The following BCAR3 variants were observed in gnomAD, a reference collection of about 807,000 sequenced individuals.
The protein encoded by BCAR3 is BCAR3 adaptor protein, NSP family member, also known as breast cancer anti-estrogen resistance protein 3.
In BCAR3, 37 loss-of-function variants were observed where a neutral mutation model predicts 80.1. The observed-to-expected ratio is 0.46, with a 90% CI of 0.36 to 0.61. The LOEUF (loss-of-function observed/expected upper bound fraction) is 0.61, where lower values mean the gene tolerates loss of function less well. BCAR3 is among the 20% of genes least tolerant of loss of function. BCAR3 has a pLI of 0.00. For synonymous variants in BCAR3, 389 were observed against 418.9 expected, an observed-to-expected ratio of 0.93 and a Z score of 0.87; for missense variants, 978 against 1,068.2, an observed-to-expected ratio of 0.92 and a Z score of 1.18.
chr1:93,782,196 C>G (rs17110458), intron 2 of BCAR3, among the ~76,000 whole-genome samples: 13,157 of 152,188 alleles, frequency 0.086, 779 homozygotes, highest in East Asian at 0.19. Context: ...ATGGTCGGTT[C>G]TGAGGGGCCC....
intron 7 of BCAR3, among the ~76,000 whole-genome samples, chr1:93,578,531 C>T (rs1425515487): frequency 1.3e-5 from 2 of 152,202 alleles, no homozygotes; most frequent in African/African-American, 2.4e-5. Context: ...CGTTGCCTGC[C>T]GTCTGCAAGA....
chr1:93,567,276 T>C lies in BCAR3; in HGVS notation c.2299+3A>G, dbSNP rs1274812860. On this transcript the variant is annotated splice_donor_region_variant and intron_variant, in intron 11 of 11. Coordinates refer to ENST00000260502, the MANE Select transcript of BCAR3 (RefSeq NM_003567.4). Reference sequence around the variant, plus strand: ...AGAACAGCTTACAAAACCCATCTCTTACCTGCCAGGATCCTCTCAGCATTC... The same window carrying C: ...AGAACAGCTTACAAAACCCATCTCTCACCTGCCAGGATCCTCTCAGCATTC... The C allele has an allele frequency of 1.4e-5, 23 of 1,613,738 alleles. No individual in the cohort carries two copies. Among genetic ancestry groups the C allele is most frequent in the Non-Finnish European group, 1.9e-5 (23 of 1,179,968 alleles).
chr1:93,618,261 G>A (rs906509982), intron 3 of BCAR3, among the ~76,000 whole-genome samples: 3 of 152,234 alleles, frequency 2.0e-5, no homozygotes, highest in African/African-American at 4.8e-5. Flanking sequence ...TGGACAAGAC[G>A]TTCGCCTGCC....
intron 2 of BCAR3, among the ~76,000 whole-genome samples, chr1:93,643,342 T>C (rs1471049349): frequency 6.6e-6 from 1 of 151,070 alleles, no homozygotes; most frequent in Non-Finnish European, 1.5e-5. Flanking sequence ...ATGACCAACA[T>C]GGTGAAACCC....
rs540444148 is a variant in BCAR3, at chr1:93,815,648, G to A, written c.-63+29919C>T. ...GAAGTCACTTTTCATCCATGTGTGA[G>A]ATACCATTGCCTGATTCATTCTGCT... On this transcript the variant is annotated intron_variant, in intron 2 of 13. Coordinates refer to the BCAR3 transcript ENST00000370244. Among the ~76,000 whole-genome samples the A allele has an allele frequency of 5.3e-5, 8 of 152,292 alleles. No homozygotes were observed. The South Asian group carries it at 1.7e-3, about 32-fold the overall frequency.
chr1:93,750,636 A>AC (rs1651526979), intron 2 of BCAR3, among the ~76,000 whole-genome samples: 1 of 152,204 alleles, frequency 6.6e-6, no homozygotes, highest in South Asian at 2.1e-4. Flanking sequence ...CTCTTGGGAC[A>AC]CTTGCTCTGG....
chr1:93,671,191 C>T (rs895958814), intron 2 of BCAR3, among the ~76,000 whole-genome samples: 10 of 152,068 alleles, frequency 6.6e-5, no homozygotes, highest in Non-Finnish European at 1.5e-4. Flanking sequence ...GATGGGGTTT[C>T]GTCATGTTGG....
chr1:93,818,675 A>G (rs769310446), intron 2 of BCAR3, among the ~76,000 whole-genome samples: 22 of 152,332 alleles, frequency 1.4e-4, no homozygotes, highest in Non-Finnish European at 2.5e-4. Flanking sequence ...GCATTATTCT[A>G]GGTGCTGGGT....
chr1:93,741,332 C>T (rs1241672978), intron 2 of BCAR3, among the ~76,000 whole-genome samples: 1 of 152,146 alleles, frequency 6.6e-6, no homozygotes, highest in East Asian at 1.9e-4. Flanking sequence ...AGTTCAATAT[C>T]AAGATCATGG....
chr1:93,832,146 A>G (rs2100835405), intron 2 of BCAR3, among the ~76,000 whole-genome samples: 1 of 152,336 alleles, frequency 6.6e-6, no homozygotes, highest in East Asian at 1.9e-4. Flanking sequence ...GGACTTGATT[A>G]ACTTCGCCTT....
At chr1:93,649,880 T>C (rs936490447) in intron 2 of BCAR3, among the ~76,000 whole-genome samples, 2 of 150,992 alleles carry the variant, frequency 1.3e-5, no homozygotes, top group Non-Finnish European at 2.9e-5. Context: ...GCCAGCACTC[T>C]ACCCACTCTA....
intron 3 of BCAR3, among the ~76,000 whole-genome samples, chr1:93,694,849 A>G (rs1268542335): frequency 6.6e-6 from 1 of 152,202 alleles, no homozygotes; most frequent in Admixed American, 6.5e-5. Context: ...GGGTCCTCAA[A>G]GCCACCCACT....
At position 93,575,338 on chromosome 1, in the gene BCAR3, G is replaced by T. The variant is rs1424054560; in HGVS notation, c.1802+676C>A. Among the ~76,000 whole-genome samples, 4 of 152,308 alleles carry T rather than the reference G, an allele frequency of 2.6e-5. No homozygotes were observed. The East Asian group carries it at 7.7e-4, about 29-fold the overall frequency. On this transcript the variant is annotated intron_variant, in intron 8 of 11. Transcript: ENST00000260502. ...AACTTTTAAAAAATGTGTCAAAAAGGCTGGCTTTGTGGTAATATGGATATC... is the reference window on the plus strand; with the variant it reads ...AACTTTTAAAAAATGTGTCAAAAAGTCTGGCTTTGTGGTAATATGGATATC...
Position 93,592,160 on chromosome 1 carries a change from A to C in BCAR3, c.486+105T>G. 6.7e-7 allele frequency: 1 copy of C among 1,502,292 alleles called. No individual in the cohort carries two copies. Among genetic ancestry groups the C allele is most frequent in the South Asian group, 1.2e-5 (1 of 82,062 alleles). The allele number at this position is 1,502,292 out of a possible 1,614,324, so 93.1% of individuals were successfully genotyped here. On this transcript the variant is annotated intron_variant, in intron 4 of 11. Coordinates refer to ENST00000260502, the MANE Select transcript of BCAR3 (RefSeq NM_003567.4). The surrounding 1 kb of genome is among the most constrained non-coding windows in gnomAD (Gnocchi z 4.8). ...TTAGAGTATTTGTTTTTGGTTACAC[A>C]GGTGCTTCCGCCCATGTGGCCTCGG... is the stretch of plus-strand genomic sequence containing the variant.
chr1:93,799,015 A>G lies in BCAR3; in HGVS notation c.-63+46552T>C, dbSNP rs1041585689. 2.6e-5 allele frequency among the ~76,000 whole-genome samples: 4 copies of G among 152,326 alleles called. No homozygotes were observed. The South Asian group carries it at 8.3e-4, about 32-fold the overall frequency. On this transcript the variant is annotated intron_variant, in intron 2 of 13. Coordinates refer to the BCAR3 transcript ENST00000370244. ...GTAATAAAGCCAATCAGTTGACAGAAAAATATTGTGTATGATGTGAATTCA... is the reference window on the plus strand; with the variant it reads ...GTAATAAAGCCAATCAGTTGACAGAGAAATATTGTGTATGATGTGAATTCA...
Position 93,592,516 on chromosome 1 carries a change from A to C in BCAR3, c.358-123T>G, listed in dbSNP as rs1674255944. 1 of 1,310,396 alleles carries C rather than the reference A, an allele frequency of 7.6e-7. No homozygotes were observed. The highest frequency in any genetic ancestry group is 1.5e-5 in the South Asian group (1 of 67,474). The allele number at this position is 1,310,396 out of a possible 1,614,324, so 81.2% of individuals were successfully genotyped here. A position where few individuals can be genotyped will look rare whatever the true frequency, so the allele number is the denominator to read the frequency against. On this transcript the variant is annotated intron_variant, in intron 3 of 11. Transcript: ENST00000260502. The surrounding 1 kb of genome is among the most constrained non-coding windows in gnomAD (Gnocchi z 4.8). ...GCTACAGCCTGCATTCAGGTAGGGG[A>C]GCCTGGATAATGATTACAAAGAGCT...
chr1:93,576,046 G>C lies in BCAR3; in HGVS notation c.1770C>G (p.His590Gln). 1.9e-6 allele frequency: 3 copies of C among 1,614,142 alleles called. No individual in the cohort carries two copies. Among genetic ancestry groups the C allele is most frequent in the Non-Finnish European group, 2.5e-6 (3 of 1,180,020 alleles). ...SSGLELITLP[H>Q]GHQLRLDIIE... is the part of the protein sequence containing the mutation. ...TTATGTCCAGGCGCAGCTGGTGTCC[G>C]TGAGGCAAGGTAATGAGTTCCAGGC... The change falls in exon 8 of 12, where the codon CAC (histidine) becomes CAG (glutamine). Residue 590 changes from histidine (H) to glutamine (Q), a missense_variant. Physicochemically the swap from His to Gln is conservative, Grantham distance 24 (BLOSUM62 0). Coordinates refer to ENST00000260502, the MANE Select transcript of BCAR3 (RefSeq NM_003567.4).
chr1:93,589,304 A>G lies in BCAR3; in HGVS notation c.602T>C (p.Ile201Thr). Residue 201 changes from isoleucine (I) to threonine (T), a missense_variant, in exon 5 of 12, where the codon ATC (isoleucine) becomes ACC (threonine). Transcript: ENST00000260502. ...QWKNLAQHFK[I>T]NRTVLRLSEA... ...GCTGAGTCGCAGAACTGTCCGGTTGATTTTGAAGTGCTGAGCGAGGTTCTT... is the reference window on the plus strand; with the variant it reads ...GCTGAGTCGCAGAACTGTCCGGTTGGTTTTGAAGTGCTGAGCGAGGTTCTT... 6.2e-7 allele frequency: 1 copy of G among 1,614,192 alleles called. No homozygotes were observed. Among genetic ancestry groups the G allele is most frequent in the Non-Finnish European group, 8.5e-7 (1 of 1,180,036 alleles).
chr1:93,702,439 G>A (rs1649678341), intron 3 of BCAR3, among the ~76,000 whole-genome samples: 1 of 152,170 alleles, frequency 6.6e-6, no homozygotes, highest in Admixed American at 6.5e-5. Flanking sequence ...GGAGGTCCAG[G>A]CTGGCCTGGC....
Sources: allele counts gnomAD v4.1 joint callset (sites outside exome capture counted in the v4.1 genomes callset), GRCh38; gene constraint gnomAD v4.1.1; non-coding constraint Gnocchi (gnomAD v3.1); transcripts MANE v1.5; gene names NCBI Gene and HGNC (gene_info 2026-07-23, HGNC 2026-07-21).